The following BTAF1 variants were observed in gnomAD, a reference collection of about 807,000 sequenced individuals.
BTAF1 encodes TATA-binding protein-associated factor 172.
In BTAF1, 38 loss-of-function variants were observed where a neutral mutation model predicts 227.1. The ratio of observed to expected loss-of-function variants is 0.17; its 90% CI spans 0.13 to 0.22. The LOEUF is 0.22. Among genes scored for constraint, BTAF1 ranks in the 10% least tolerant of loss-of-function variants. The pLI, the probability that BTAF1 is intolerant of heterozygous loss-of-function variation, is 1.00. For missense variants in BTAF1, 1,598 were observed against 2,204.0 expected (o/e 0.73, Z 5.51); for synonymous variants, 742 against 751.9 (o/e 0.99, Z 0.21).
intron 12 of BTAF1, among the ~76,000 whole-genome samples, chr10:91,963,140 C>G (rs1303876631): frequency 2.0e-5 from 3 of 152,002 alleles, no homozygotes; most frequent in African/African-American, 4.8e-5. Flanking sequence ...TTGGGTCTCA[C>G]TCTGTCACCC....
intron 14 of BTAF1, among the ~76,000 whole-genome samples, chr10:91,969,165 T>G (rs1425115697): frequency 6.6e-6 from 1 of 151,926 alleles, no homozygotes; most frequent in Non-Finnish European, 1.5e-5. Flanking sequence ...ATATTTTAGA[T>G]ACAGTTTCAT....
At chr10:92,019,367 C>T (rs1850958387) in intron 34 of BTAF1, among the ~76,000 whole-genome samples, 1 of 152,146 alleles carries the variant, frequency 6.6e-6, no homozygotes, top group Non-Finnish European at 1.5e-5. Flanking sequence ...ATTCATTAGT[C>T]AGTTTTATGG....
intron 11 of BTAF1, among the ~76,000 whole-genome samples, chr10:91,961,251 C>A (rs11818046): frequency 0.14 from 21,229 of 152,154 alleles, 1,609 homozygotes; most frequent in Middle Eastern, 0.2. Flanking sequence ...TTTAATTTCC[C>A]GTAATACTTT....
chr10:91,975,447 T>C (rs755326342), intron 14 of BTAF1, among the ~76,000 whole-genome samples: 1 of 152,230 alleles, frequency 6.6e-6, no homozygotes, highest in African/African-American at 2.4e-5. Flanking sequence ...AGTTGAAATA[T>C]TTAGCTGACC....
At chr10:91,966,217 A>G (rs1846900868) in intron 13 of BTAF1, among the ~76,000 whole-genome samples, 1 of 152,212 alleles carries the variant, frequency 6.6e-6, no homozygotes, top group Admixed American at 6.5e-5. Flanking sequence ...GGAGATGGAA[A>G]TTATGTGTAT....
At chr10:91,981,515 T>C (rs1157264263) in intron 15 of BTAF1, 128 bp from the exon 16 acceptor site, 1 of 996,872 alleles carries the variant, frequency 1.0e-6, no homozygotes, top group Non-Finnish European at 1.4e-6. Context: ...TAAGCCTCTA[T>C]ATTGAATTTC....
rs1475404736 is a variant in BTAF1, at chr10:91,951,925, ATAG to A, written c.564+363_564+365del. The stretch of plus-strand genomic sequence containing the variant: ...GTAAGGGCTATTATAGTCAGATATG[ATAG>A]TAGAAGTGTTTAGTGTTATGATTTA... On this transcript the variant is annotated intron_variant, in intron 5 of 37. Transcript: ENST00000265990. Among the ~76,000 whole-genome samples, 4 of 152,120 alleles carry A rather than the reference ATAG, an allele frequency of 2.6e-5. No homozygotes were observed. The East Asian group carries it at 7.7e-4, about 29-fold the overall frequency.
chr10:92,024,450 C>G (rs777428301), intron 34 of BTAF1, among the ~76,000 whole-genome samples: 5 of 151,940 alleles, frequency 3.3e-5, no homozygotes, highest in Admixed American at 1.3e-4. Context: ...TTTGGGAGGC[C>G]GAGGCAGGAG....
chr10:91,992,381 G>C lies in BTAF1; in HGVS notation c.3045+72G>C, dbSNP rs1848853827. 2.2e-6 allele frequency: 3 copies of C among 1,349,264 alleles called. No homozygotes were observed. In the East Asian group the frequency reaches 7.2e-5, roughly 32 times the overall value. The allele number at this position is 1,349,264 out of a possible 1,614,324, so 83.6% of individuals were successfully genotyped here. ...ATCTGACTTACAAATTGAGAACTAAGTTGTATTAGCTTCCAGAGTTGTTTT... is the reference window on the plus strand; with the variant it reads ...ATCTGACTTACAAATTGAGAACTAACTTGTATTAGCTTCCAGAGTTGTTTT... On this transcript the variant is annotated intron_variant, in intron 21 of 37. Coordinates refer to ENST00000265990, the MANE Select transcript of BTAF1 (RefSeq NM_003972.3).
chr10:91,981,555 A>T (rs1485936516), intron 15 of BTAF1, 88 bp from the exon 16 acceptor site: 7 of 1,355,032 alleles, frequency 5.2e-6, no homozygotes, highest in Admixed American at 2.6e-5. Flanking sequence ...TTTCCTACTT[A>T]AAAAAACCTC....
chr10:91,956,599 C>T lies in BTAF1; in HGVS notation c.773C>T (p.Ala258Val). ...KIANVVINQSANDSKVLIDNI... is the reference protein window; with the variant it reads ...KIANVVINQSVNDSKVLIDNI... Reference sequence around the variant, plus strand: ...GCAAATGTTGTTATTAATCAGTCTGCAAATGATTCCAAAGTCTTGATTGAT... The same window carrying T: ...GCAAATGTTGTTATTAATCAGTCTGTAAATGATTCCAAAGTCTTGATTGAT... Residue 258 changes from alanine to valine, a missense_variant, in exon 7 of 38, where the codon GCA (alanine) becomes GTA (valine). Physicochemically the swap from Ala to Val is moderately conservative, Grantham distance 64. Coordinates refer to ENST00000265990, the MANE Select transcript of BTAF1 (RefSeq NM_003972.3). 1 of 1,607,592 alleles carries T rather than the reference C, an allele frequency of 6.2e-7. No homozygotes were observed. Among genetic ancestry groups the T allele is most frequent in the Non-Finnish European group, 8.5e-7 (1 of 1,177,792 alleles).
chr10:91,953,338 AATTT>A (rs1008661882), intron 5 of BTAF1, among the ~76,000 whole-genome samples: 16 of 152,260 alleles, frequency 1.1e-4, no homozygotes, highest in Middle Eastern at 3.4e-3. Flanking sequence ...TTAAGGCTAT[AATTT>A]ATTTATTTAT....
chr10:92,000,774 G>A (rs1390010465), intron 25 of BTAF1, among the ~76,000 whole-genome samples: 2 of 152,096 alleles, frequency 1.3e-5, no homozygotes, highest in African/African-American at 2.4e-5. Flanking sequence ...GGCTGGTCTC[G>A]AACTGCTGGC....
At chr10:91,954,333 C>T (rs1234960038) in intron 6 of BTAF1, among the ~76,000 whole-genome samples, 1 of 152,028 alleles carries the variant, frequency 6.6e-6, no homozygotes, top group Non-Finnish European at 1.5e-5. Flanking sequence ...CTCACCTGTG[C>T]CTTAAGCTGG....
chr10:92,021,093 A>C (rs1297431449), intron 34 of BTAF1, among the ~76,000 whole-genome samples: 1 of 152,196 alleles, frequency 6.6e-6, no homozygotes, highest in African/African-American at 2.4e-5. Context: ...AGGAAGGATA[A>C]ATTTATTTTT....
intron 25 of BTAF1, among the ~76,000 whole-genome samples, chr10:92,006,706 G>A (rs564845610): frequency 6.6e-6 from 1 of 152,280 alleles, no homozygotes; most frequent in South Asian, 2.1e-4. Context: ...AATGTGAGTT[G>A]TTTTCCTTTA....
At chr10:91,959,401 T>G in intron 9 of BTAF1, 1 of 641,652 alleles carries the variant, frequency 1.6e-6, no homozygotes, top group Non-Finnish European at 2.3e-6. Context: ...AAATAATAGA[T>G]ATATGACCGG....
chr10:92,017,329 GAAGTCT>G (rs1168377005), intron 33 of BTAF1, among the ~76,000 whole-genome samples: 2 of 152,140 alleles, frequency 1.3e-5, no homozygotes, highest in Admixed American at 6.5e-5. Context: ...AAAAAGTACA[GAAGTCT>G]CAAGTCAGAT....
chr10:91,964,014 T>G, intron 12 of BTAF1, 63 bp from the exon 13 acceptor site: 1 of 1,580,242 alleles, frequency 6.3e-7, no homozygotes, highest in South Asian at 1.1e-5. Flanking sequence ...GGGATACCAT[T>G]TGGCAGGGTT....
Sources: gnomAD v4.1 joint callset for allele counts (sites outside exome capture counted in the v4.1 genomes callset) on GRCh38, gnomAD v4.1.1 for gene constraint, MANE v1.5 for transcripts, NCBI Gene and HGNC (gene_info 2026-07-23, HGNC 2026-07-21) for gene names.